The following PTPRK variants were observed in gnomAD, a reference collection of about 807,000 sequenced individuals.
PTPRK encodes the protein protein tyrosine phosphatase receptor type K.
Under a neutral mutation model 178.0 loss-of-function variants are expected in PTPRK, and 75 were observed. The observed-to-expected ratio is 0.42, with a 90% CI of 0.35 to 0.51. The LOEUF is 0.51. Among genes scored for constraint, PTPRK ranks in the 20% least tolerant of loss-of-function variants. The probability of loss-of-function intolerance (pLI) is 0.02; values close to 1 mark genes in which losing one functional copy is unlikely to be tolerated. For missense variants in PTPRK, 1,441 were observed against 1,797.8 expected, an observed-to-expected ratio of 0.80 and a Z score of 3.59; for synonymous variants, 637 against 620.6, an observed-to-expected ratio of 1.03 and a Z score of -0.39.
chr6:128,195,674 T>C (rs1322708710), intron 6 of PTPRK, among the ~76,000 whole-genome samples: 1 of 152,140 alleles, frequency 6.6e-6, no homozygotes, highest in Non-Finnish European at 1.5e-5. Context: ...CTCAGTCATA[T>C]ATAAAATTCC....
At chr6:128,410,863 CA>C (rs1321482033) in intron 1 of PTPRK, among the ~76,000 whole-genome samples, 2 of 152,126 alleles carry the variant, frequency 1.3e-5, no homozygotes, top group South Asian at 4.1e-4. Flanking sequence ...CCTTCAGTGG[CA>C]AAACTTCCTT....
intron 7 of PTPRK, among the ~76,000 whole-genome samples, chr6:128,128,868 A>G (rs2114446444): frequency 6.6e-6 from 1 of 152,354 alleles, no homozygotes; most frequent in Admixed American, 6.5e-5. Context: ...GAAGTACCAA[A>G]AAGATTCATT....
intron 3 of PTPRK, among the ~76,000 whole-genome samples, chr6:128,303,342 T>A (rs1825918544): frequency 6.6e-6 from 1 of 152,204 alleles, no homozygotes; most frequent in African/African-American, 2.4e-5. Flanking sequence ...AGTTTTCCTA[T>A]GAATCCGTAT....
chr6:128,017,887 A>G (rs1337136259), intron 13 of PTPRK, among the ~76,000 whole-genome samples: 4 of 145,448 alleles, frequency 2.8e-5, no homozygotes, highest in Non-Finnish European at 6.0e-5. Context: ...AAGTCCAGCA[A>G]TGTATCCACA....
At chr6:128,454,638 G>A (rs564841738) in intron 1 of PTPRK, among the ~76,000 whole-genome samples, 1 of 152,090 alleles carries the variant, frequency 6.6e-6, no homozygotes, top group Non-Finnish European at 1.5e-5. Flanking sequence ...CCTGTCAGGA[G>A]TCACTAATTA....
intron 3 of PTPRK, among the ~76,000 whole-genome samples, chr6:128,320,326 T>C (rs1252484962): frequency 6.6e-6 from 1 of 152,170 alleles, no homozygotes; most frequent in Non-Finnish European, 1.5e-5. Context: ...GATAGATCTT[T>C]AACAACTTAG....
intron 1 of PTPRK, among the ~76,000 whole-genome samples, chr6:128,489,087 TTAA>T (rs1252549166): frequency 1.3e-5 from 2 of 152,160 alleles, no homozygotes; most frequent in African/African-American, 4.8e-5. Flanking sequence ...AAATAATTAA[TTAA>T]TAATTCATGT....
At chr6:127,984,793 T>G (rs956052106) in intron 22 of PTPRK, among the ~76,000 whole-genome samples, 4 of 152,186 alleles carry the variant, frequency 2.6e-5, no homozygotes, top group Non-Finnish European at 5.9e-5. Context: ...GTTCCCAGAG[T>G]TGGAGACAGG....
At chr6:128,459,947 C>T (rs940834752) in intron 1 of PTPRK, among the ~76,000 whole-genome samples, 3 of 152,256 alleles carry the variant, frequency 2.0e-5, no homozygotes, top group African/African-American at 7.2e-5. Context: ...CAGCATCTCA[C>T]ATGGCAGGAG....
intron 13 of PTPRK, 51 bp from the exon 14 acceptor site, chr6:128,009,319 G>A (rs757699394): frequency 2.6e-6 from 4 of 1,544,912 alleles, no homozygotes; most frequent in Non-Finnish European, 3.5e-6. Flanking sequence ...AATAATCACA[G>A]AAAAAAATTA....
chr6:128,153,964 C>T (rs910060148), intron 7 of PTPRK, among the ~76,000 whole-genome samples: 35 of 151,678 alleles, frequency 2.3e-4, no homozygotes, highest in Non-Finnish European at 4.4e-4. Context: ...AGTAAAACTC[C>T]ACAAATACTG....
At chr6:128,351,037 AAATTAGCCAGG>A (rs1037533328) in intron 2 of PTPRK, among the ~76,000 whole-genome samples, 3 of 152,234 alleles carry the variant, frequency 2.0e-5, no homozygotes, top group Non-Finnish European at 4.4e-5. Flanking sequence ...GCAAAGCCTG[AAATTAGCCAGG>A]AATCTAAAAG....
intron 7 of PTPRK, among the ~76,000 whole-genome samples, chr6:128,094,657 T>C (rs1249735801): frequency 2.0e-5 from 3 of 152,142 alleles, no homozygotes; most frequent in Non-Finnish European, 4.4e-5. Context: ...AATTTGACAA[T>C]GTCCCTAGCT....
At chr6:128,262,838 T>G (rs374904992) in intron 3 of PTPRK, among the ~76,000 whole-genome samples, 26 of 129,616 alleles carry the variant, frequency 2.0e-4, no homozygotes, top group Middle Eastern at 3.8e-3. Flanking sequence ...AATTTTTAGG[T>G]GGGTCCAAAA....
chr6:128,094,102 T>A (rs1039445678), intron 7 of PTPRK, among the ~76,000 whole-genome samples: 1 of 152,056 alleles, frequency 6.6e-6, no homozygotes, highest in African/African-American at 2.4e-5. Context: ...AAATTTGCAA[T>A]CCCACTTGGT....
intron 3 of PTPRK, among the ~76,000 whole-genome samples, chr6:128,244,029 C>T (rs1031331805): frequency 1.3e-5 from 2 of 152,118 alleles, no homozygotes; most frequent in African/African-American, 4.8e-5. Flanking sequence ...GAAGGTAGAA[C>T]TTACTGACTC....
intron 25 of PTPRK, among the ~76,000 whole-genome samples, chr6:127,979,954 G>T (rs539367593): frequency 6.6e-6 from 1 of 152,238 alleles, no homozygotes; most frequent in South Asian, 2.1e-4. Context: ...CAAGGTGGGC[G>T]GATCATGAGG....
At chr6:128,301,323 T>A (rs1484640775) in intron 3 of PTPRK, among the ~76,000 whole-genome samples, 3 of 152,152 alleles carry the variant, frequency 2.0e-5, no homozygotes, top group African/African-American at 7.2e-5. Flanking sequence ...AATTTTATTT[T>A]GTTTGCTCAA....
chr6:128,309,945 G>T (rs1261371483), intron 3 of PTPRK, among the ~76,000 whole-genome samples: 1 of 151,764 alleles, frequency 6.6e-6, no homozygotes, highest in Non-Finnish European at 1.5e-5. Flanking sequence ...AAATAATATG[G>T]AAAGTTCCAG....
Sources: allele counts gnomAD v4.1 joint callset (sites outside exome capture counted in the v4.1 genomes callset), GRCh38; gene constraint gnomAD v4.1.1; transcripts MANE v1.5; gene names NCBI Gene and HGNC (gene_info 2026-07-23, HGNC 2026-07-21).